Variants in CRACD observed in about 807,000 individuals in gnomAD.
The protein encoded by CRACD is capping protein-inhibiting regulator of actin dynamics.
In CRACD, 56 loss-of-function variants were observed where a neutral mutation model predicts 106.8. That is an observed-to-expected ratio of 0.52 (90% confidence interval 0.42 to 0.66). The LOEUF is 0.66. Among genes scored for constraint, CRACD ranks in the 30% least tolerant of loss-of-function variants. CRACD has a pLI of 0.00. For missense variants in CRACD, 1,730 were observed against 1,623.2 expected (o/e 1.07, Z -1.13); for synonymous variants, 754 against 670.8 (o/e 1.12, Z -1.92).
chr4:56,149,073 C>G (rs1353080109), intron 1 of CRACD, among the ~76,000 whole-genome samples: 1 of 152,154 alleles, frequency 6.6e-6, no homozygotes, highest in Non-Finnish European at 1.5e-5. Flanking sequence ...GCCTTGGCCT[C>G]CCAAAGTGCT....
Position 56,314,899 on chromosome 4 carries a change from GA to G in CRACD, c.1399del (p.Arg467GlyfsTer26). The stretch of plus-strand genomic sequence containing the variant: ...GCCGAGCGGCGAAGAGAGCAGCAGG[GA>G]AGGAGCGGGGATTTCCAGGGGGCCG... ...PEAERRREQQ[G>X]RSGDFQGADR... On this transcript the variant is annotated frameshift_variant, in exon 8 of 11. Coordinates refer to ENST00000682029, the MANE Select transcript of CRACD (RefSeq NM_001393381.1). LOFTEE classifies it high-confidence loss of function. The surrounding 1 kb of genome is among the most constrained non-coding windows in gnomAD (Gnocchi z 4.4). The G allele has an allele frequency of 6.2e-7, 1 of 1,609,564 alleles. No homozygotes were observed. The highest frequency in any genetic ancestry group is 8.5e-7 in the Non-Finnish European group (1 of 1,178,716).
intron 1 of CRACD, among the ~76,000 whole-genome samples, chr4:56,084,487 C>T (rs7657181): frequency 0.4 from 60,338 of 151,842 alleles, 13,560 homozygotes; most frequent in African/African-American, 0.62. Context: ...TAAAATAATA[C>T]TTTATATGAA....
Position 56,298,358 on chromosome 4 carries a change from G to T in CRACD, c.120+9G>T, listed in dbSNP as rs1744174269. ...AAGTCAAAACTCTTCAGGTAAGACA[G>T]CTTGAGAGTGGAATTACGAGCCATA... is the stretch of plus-strand genomic sequence containing the variant. On this transcript the variant is annotated intron_variant, in intron 4 of 10. Transcript: ENST00000682029. 1.2e-6 allele frequency: 2 copies of T among 1,613,374 alleles called. No homozygotes were observed. Among genetic ancestry groups the T allele is most frequent in the African/African-American group, 1.3e-5 (1 of 75,036 alleles).
chr4:56,315,527 C>T lies in CRACD; in HGVS notation c.2025C>T (p.Ile675=), dbSNP rs749494821. The change falls in exon 8 of 11, where the codon ATC becomes ATT. Residue 675 remains isoleucine (I), a synonymous_variant. Transcript: ENST00000682029. This position sits in a 1 kb window ranked among gnomAD's most constrained non-coding sequence, Gnocchi z 4.1. ...AATGGGCTTCCATTCGGTCCAGAATCCTGAAGAACGCAGAGAGTGACCCGC... is the reference window on the plus strand; with the variant it reads ...AATGGGCTTCCATTCGGTCCAGAATTCTGAAGAACGCAGAGAGTGACCCGC... The part of the protein sequence containing the change: ...LAEWASIRSR[I]LKNAESDPRS... The T allele has an allele frequency of 1.9e-6, 3 of 1,614,026 alleles. No individual in the cohort carries two copies. The highest frequency in any genetic ancestry group is 1.7e-6 in the Non-Finnish European group (2 of 1,180,026).
chr4:56,142,434 GA>G (rs1735236395), intron 1 of CRACD, among the ~76,000 whole-genome samples: 1 of 152,116 alleles, frequency 6.6e-6, no homozygotes, highest in African/African-American at 2.4e-5. Flanking sequence ...CGCCTTGTCA[GA>G]AAAATACCTG....
chr4:56,328,293 C>T lies in CRACD; in HGVS notation c.*489C>T, dbSNP rs1242254815. ...ATATCTAGCTAAAAGCAAGAACACC[C>T]ATTCTCCTGAATGCAGTGAGTAATT... On this transcript the variant is annotated 3_prime_UTR_variant, in exon 11 of 11. Transcript: ENST00000682029. 4 of 517,796 alleles carry T rather than the reference C, an allele frequency of 7.7e-6. No homozygotes were observed. The Admixed American group carries it at 7.8e-5, about 10-fold the overall frequency. The allele number at this position is 517,796 out of a possible 1,614,324, so 32.1% of individuals were successfully genotyped here.
chr4:56,310,544 G>T, intron 5 of CRACD, 122 bp from the exon 6 acceptor site: 1 of 694,008 alleles, frequency 1.4e-6, no homozygotes, highest in Non-Finnish European at 2.6e-6. Flanking sequence ...CTGGCTCTCT[G>T]AGGCCAGCTG....
At chr4:56,116,075 C>T (rs34077189) in intron 1 of CRACD, among the ~76,000 whole-genome samples, 3,955 of 152,330 alleles carry the variant, frequency 0.026, 86 homozygotes, top group Non-Finnish European at 0.039. Context: ...GCCTAGTCAT[C>T]TTCTCTGCGT....
rs561236685 is a variant in CRACD at position 56,268,149 on chromosome 4, T to A, written c.-188-4172T>A. Among the ~76,000 whole-genome samples the A allele has an allele frequency of 5.9e-5, 9 of 152,378 alleles. 1 individual carries two copies. The South Asian group carries it at 1.9e-3, about 32-fold the overall frequency. On this transcript the variant is annotated intron_variant, in intron 2 of 10. Transcript: ENST00000682029. The stretch of plus-strand genomic sequence containing the variant: ...TAGCTGACGTGCAGAGATTACCTGT[T>A]GGTTAAATAGATGAGTAACCTGTTT...
chr4:56,216,981 C>T (rs1429751394), intron 2 of CRACD, among the ~76,000 whole-genome samples: 16 of 125,678 alleles, frequency 1.3e-4, no homozygotes, highest in African/African-American at 2.1e-4. Flanking sequence ...AGCGAGACTC[C>T]GTCTCAAAAA....
intron 2 of CRACD, among the ~76,000 whole-genome samples, chr4:56,192,833 C>T (rs1458366078): frequency 6.6e-6 from 1 of 152,080 alleles, no homozygotes; most frequent in Non-Finnish European, 1.5e-5. Flanking sequence ...CTTTGAAATT[C>T]CACATAGATT....
intron 3 of CRACD, among the ~76,000 whole-genome samples, chr4:56,278,642 A>T (rs558148783): frequency 7.2e-5 from 11 of 152,314 alleles, no homozygotes; most frequent in Admixed American, 6.5e-4. Context: ...AAAACAGAAA[A>T]GTTGGACTAC....
intron 1 of CRACD, among the ~76,000 whole-genome samples, chr4:56,115,563 T>C (rs1734250311): frequency 6.6e-6 from 1 of 152,128 alleles, no homozygotes; most frequent in Non-Finnish European, 1.5e-5. Context: ...TATTGGAAGA[T>C]TTTTCAGAGA....
chr4:56,117,979 G>A (rs941209670), intron 1 of CRACD, among the ~76,000 whole-genome samples: 4 of 151,874 alleles, frequency 2.6e-5, no homozygotes, highest in Admixed American at 6.6e-5. Flanking sequence ...GGCTGGTCTC[G>A]AACTCCTGAC....
intron 1 of CRACD, among the ~76,000 whole-genome samples, chr4:56,152,059 G>A (rs899502543): frequency 2.0e-5 from 3 of 150,840 alleles, no homozygotes; most frequent in African/African-American, 7.3e-5. Context: ...ACCCAGGCTG[G>A]AGTGCGGTGG....
rs796206179 is a variant in CRACD at position 56,090,165 on chromosome 4, A to C, written c.-336+40866A>C. On this transcript the variant is annotated intron_variant, in intron 1 of 10. Coordinates refer to ENST00000682029, the MANE Select transcript of CRACD (RefSeq NM_001393381.1). ...TTTCCTTTTTTTTAAAAAAAAAAAA[A>C]AACTGGCAGGATCAACTAGTTAAGA... Among the ~76,000 whole-genome samples, 411 of 152,122 alleles carry C rather than the reference A, an allele frequency of 2.7e-3. 2 individuals are homozygous for C. The highest frequency in any genetic ancestry group is 9.4e-3 in the African/African-American group (388 of 41,486).
chr4:56,177,326 A>G lies in CRACD; in HGVS notation c.-335-1958A>G, dbSNP rs79895397. Among the ~76,000 whole-genome samples, 27 of 152,296 alleles carry G rather than the reference A, an allele frequency of 1.8e-4. No homozygotes were observed. In the East Asian group the frequency reaches 5.2e-3, roughly 29 times the overall value. ...TTAGGAGGCATCTATTGAAATCATCATATAGTTTTTGTCTTTTATTCTGTT... is the reference window on the plus strand; with the variant it reads ...TTAGGAGGCATCTATTGAAATCATCGTATAGTTTTTGTCTTTTATTCTGTT... On this transcript the variant is annotated intron_variant, in intron 1 of 10. Transcript: ENST00000682029.
At chr4:56,211,765 A>T (rs1738420457) in intron 2 of CRACD, among the ~76,000 whole-genome samples, 1 of 152,246 alleles carries the variant, frequency 6.6e-6, no homozygotes, top group Non-Finnish European at 1.5e-5. Flanking sequence ...ATGACAGTAT[A>T]AAACACCAAT....
intron 5 of CRACD, among the ~76,000 whole-genome samples, chr4:56,308,492 CA>C (rs10712608): frequency 0.64 from 95,671 of 150,160 alleles, 31,876 homozygotes; most frequent in Non-Finnish European, 0.76. Context: ...AAAAAACAAA[CA>C]AAAAAAAAAC....
Sources: gnomAD v4.1 joint callset for allele counts (sites outside exome capture counted in the v4.1 genomes callset) on GRCh38, gnomAD v4.1.1 for gene constraint, Gnocchi (gnomAD v3.1) non-coding constraint, MANE v1.5 for transcripts, NCBI Gene and HGNC (gene_info 2026-07-23, HGNC 2026-07-21) for gene names.